The following ZNF236 variants were observed in gnomAD, a reference collection of about 807,000 sequenced individuals.
ZNF236 encodes regulated by glucose.
Under a neutral mutation model 191.2 loss-of-function variants are expected in ZNF236, and 50 were observed. The ratio of observed to expected loss-of-function variants is 0.26; its 90% confidence interval spans 0.21 to 0.33. The LOEUF (loss-of-function observed/expected upper bound fraction) is 0.33. Ranked by LOEUF, ZNF236 falls within the 10% of genes least tolerant of loss-of-function variation. The pLI is 1.00. For synonymous variants in ZNF236, 907 were observed against 928.8 expected (o/e 0.98, Z 0.43); for missense variants, 1,754 against 2,374.5 (o/e 0.74, Z 5.43).
At position 76,900,312 on chromosome 18, in the gene ZNF236, A is replaced by G. The variant is rs534241298; in HGVS notation, c.1894+1090A>G. Among the ~76,000 whole-genome samples the G allele has an allele frequency of 7.6e-4, 116 of 152,320 alleles. 2 individuals carry two copies. The South Asian group carries it at 0.023, about 31-fold the overall frequency. ...ATATTTAAACTAAAAAAATTCAAAG[A>G]AAGGAAATACTCAAATTCTCAAGTG... On this transcript the variant is annotated intron_variant, in intron 11 of 30. Transcript: ENST00000320610.
Position 76,903,782 on chromosome 18 carries a change from G to A in ZNF236, c.1895-598G>A, listed in dbSNP as rs1291694901. ...TCAACCTGAAGGAATTCTTAATTTA[G>A]TAAATGTATATAAAATGAAATATTT... On this transcript the variant is annotated intron_variant, in intron 11 of 30. Transcript: ENST00000320610. Among the ~76,000 whole-genome samples, 4 of 151,752 alleles carry A rather than the reference G, an allele frequency of 2.6e-5. No individual in the cohort carries two copies. The East Asian group carries it at 7.7e-4, about 29-fold the overall frequency.
At chr18:76,928,171 C>G in intron 25 of ZNF236, 65 bp downstream of exon 25, 2 of 1,319,420 alleles carry the variant, frequency 1.5e-6, no homozygotes, top group Non-Finnish European at 1.0e-6. Flanking sequence ...ATCTTACTAT[C>G]TCTTTTCCTA....
At chr18:76,834,784 G>T in intron 1 of ZNF236, 1 of 458,892 alleles carries the variant, frequency 2.2e-6, no homozygotes, top group Non-Finnish European at 4.3e-6. Context: ...TTAGCTCTTT[G>T]GAAAGAAGGG....
intron 1 of ZNF236, among the ~76,000 whole-genome samples, chr18:76,826,053 G>C (rs9949300): frequency 0.19 from 28,471 of 152,120 alleles, 2,828 homozygotes; most frequent in Middle Eastern, 0.26. Context: ...TCATTCCTAA[G>C]AAAACTCTGC....
chr18:76,877,874 A>C, intron 6 of ZNF236, 135 bp from the exon 7 acceptor site: 2 of 627,760 alleles, frequency 3.2e-6, no homozygotes, highest in Non-Finnish European at 5.0e-6. Context: ...ATTTAAAAGA[A>C]AAAAGGTAAT....
At position 76,928,101 on chromosome 18, in the gene ZNF236, T is replaced by A; in HGVS notation, c.4589T>A (p.Ile1530Asn). Residue 1530 changes from isoleucine to asparagine, a missense_variant, in exon 25 of 31, where the codon ATC becomes AAC. Physicochemically the swap from Ile to Asn is moderately radical, Grantham distance 149. This residue lies in a region of ZNF236 where 606 missense variants were observed against 761.5 expected (regional missense o/e 0.80). Coordinates refer to ENST00000320610, the MANE Select transcript of ZNF236 (RefSeq NM_001306089.2). ...TCTCCACAGGAAATTACCCTGACTA[T>A]CTCCGGTTAGTAAGTTATAATTTTA... is the stretch of plus-strand genomic sequence containing the variant. The part of the protein sequence containing the change: ...SGSPQEITLT[I>N]SELNTTSGSL... The A allele has an allele frequency of 1.2e-6, 2 of 1,607,626 alleles. No homozygotes were observed. Among genetic ancestry groups the A allele is most frequent in the Non-Finnish European group, 1.7e-6 (2 of 1,177,082 alleles).
intron 1 of ZNF236, among the ~76,000 whole-genome samples, chr18:76,823,973 T>C (rs61598664): frequency 0.045 from 6,800 of 151,664 alleles, 455 homozygotes; most frequent in African/African-American, 0.15. Flanking sequence ...TTGAAGGGGG[T>C]TCTAAGGGGG....
At chr18:76,829,903 G>A (rs898359436) in intron 1 of ZNF236, among the ~76,000 whole-genome samples, 4 of 152,006 alleles carry the variant, frequency 2.6e-5, no homozygotes, top group African/African-American at 4.8e-5. Context: ...ACGGAGTCTC[G>A]CCCTGTTGCC....
intron 3 of ZNF236, among the ~76,000 whole-genome samples, chr18:76,859,745 G>T (rs1454512946): frequency 6.6e-6 from 1 of 152,132 alleles, no homozygotes; most frequent in Non-Finnish European, 1.5e-5. Flanking sequence ...CTATTCCTGG[G>T]CCTCCTCATA....
At chr18:76,901,563 G>A (rs981982405) in intron 11 of ZNF236, among the ~76,000 whole-genome samples, 1 of 152,158 alleles carries the variant, frequency 6.6e-6, no homozygotes, top group African/African-American at 2.4e-5. Context: ...TTTGAGACCA[G>A]CCTGGCCAAC....
intron 1 of ZNF236, among the ~76,000 whole-genome samples, chr18:76,839,605 C>G (rs1386574689): frequency 6.6e-6 from 1 of 152,134 alleles, no homozygotes; most frequent in African/African-American, 2.4e-5. Flanking sequence ...ATGAGACTCA[C>G]CCTCAAGTCG....
rs143119872 is a variant in ZNF236, at chr18:76,972,520, G to A, written c.*4181G>A. ...CAGGCATCGGGGCAGTTCTTTATAT[G>A]GATGACTAACAACTAAGAAAAAATG... On this transcript the variant is annotated 3_prime_UTR_variant, in exon 31 of 31. Transcript: ENST00000320610. 6.6e-6 allele frequency among the ~76,000 whole-genome samples: 1 copy of A among 152,056 alleles called. No individual in the cohort carries two copies. Among genetic ancestry groups the A allele is most frequent in the Admixed American group, 6.6e-5 (1 of 15,254 alleles).
At chr18:76,935,939 T>C (rs1453637923) in intron 25 of ZNF236, 1 of 455,926 alleles carries the variant, frequency 2.2e-6, no homozygotes, top group African/African-American at 2.0e-5. Context: ...GCTTCAGCGC[T>C]CGAGCCTCCC....
chr18:76,880,095 A>G lies in ZNF236; in HGVS notation c.985-18A>G, dbSNP rs780469928. 2.4e-5 allele frequency: 38 copies of G among 1,579,372 alleles called. No individual in the cohort carries two copies. In the East Asian group the frequency reaches 8.3e-4, roughly 35 times the overall value. ...AGAGCAAAATTGTATTTTTAATGAAAATGTTTCTGTGTTTCAGGCCACACT... is the reference window on the plus strand; with the variant it reads ...AGAGCAAAATTGTATTTTTAATGAAGATGTTTCTGTGTTTCAGGCCACACT... On this transcript the variant is annotated intron_variant, in intron 7 of 30. Coordinates refer to ENST00000320610, the MANE Select transcript of ZNF236 (RefSeq NM_001306089.2). The surrounding 1 kb of genome is among the most constrained non-coding windows in gnomAD (Gnocchi z 5.0).
chr18:76,894,870 C>G (rs754072765), intron 9 of ZNF236, 143 bp from the exon 10 acceptor site: 40 of 1,147,234 alleles, frequency 3.5e-5, no homozygotes, highest in Middle Eastern at 2.9e-4. Flanking sequence ...TCCTAGCCCT[C>G]GATAATGTCA....
At chr18:76,858,671 C>T (rs1302721038) in intron 3 of ZNF236, among the ~76,000 whole-genome samples, 3 of 146,252 alleles carry the variant, frequency 2.1e-5, no homozygotes, top group South Asian at 2.2e-4. Context: ...GGAAAGGGCT[C>T]AGCTGGAGGC....
chr18:76,896,547 GGTACT>G (rs1303623269), intron 10 of ZNF236, among the ~76,000 whole-genome samples: 8 of 151,482 alleles, frequency 5.3e-5, no homozygotes, highest in Non-Finnish European at 1.2e-4. Flanking sequence ...GCCAAACACA[GGTACT>G]GCACACAGGT....
chr18:76,952,430 C>A (rs114322022), intron 27 of ZNF236, among the ~76,000 whole-genome samples: 1 of 152,208 alleles, frequency 6.6e-6, no homozygotes, highest in Admixed American at 6.5e-5. Flanking sequence ...CTGACCTGGG[C>A]TCTGACCAGG....
intron 19 of ZNF236, among the ~76,000 whole-genome samples, chr18:76,916,410 C>T (rs1191875674): frequency 6.6e-6 from 1 of 152,154 alleles, no homozygotes; most frequent in African/African-American, 2.4e-5. Flanking sequence ...TTGGTAAAAC[C>T]TGTGCTTGCC....
Sources: gnomAD v4.1 joint callset for allele counts (sites outside exome capture counted in the v4.1 genomes callset) on GRCh38, gnomAD v4.1.1 for gene constraint, gnomAD v4.1.1 regional missense constraint, Gnocchi (gnomAD v3.1) non-coding constraint, MANE v1.5 for transcripts, NCBI Gene and HGNC (gene_info 2026-07-23, HGNC 2026-07-21) for gene names.